The following LRATD1 variants were observed in gnomAD, a reference collection of about 807,000 sequenced individuals.
LRATD1 encodes LRAT domain containing 1.
In LRATD1, 8 loss-of-function variants were observed where a neutral mutation model predicts 21.3. The ratio of observed to expected loss-of-function variants is 0.38; its 90% confidence interval spans 0.22 to 0.68. LRATD1 has a LOEUF of 0.68. LRATD1 is among the 30% of genes least tolerant of loss of function. The probability of loss-of-function intolerance (pLI) is 0.54; values close to 1 mark genes in which losing one functional copy is unlikely to be tolerated. For missense variants in LRATD1, 380 were observed against 404.0 expected, an observed-to-expected ratio of 0.94 and a Z score of 0.51; for synonymous variants, 210 against 186.2, an observed-to-expected ratio of 1.13 and a Z score of -1.04.
intron 3 of LRATD1, chr2:14,646,363 C>T (rs1193402306): frequency 6.6e-6 from 1 of 152,130 alleles, no homozygotes; most frequent in African/African-American, 2.4e-5. Flanking sequence ...GGAATCAAGC[C>T]TCAATTTTCA....
chr2:14,634,111 G>A lies in LRATD1; in HGVS notation c.132G>A (p.Leu44=). 6.2e-7 allele frequency: 1 copy of A among 1,614,140 alleles called. No individual in the cohort carries two copies. The highest frequency in any genetic ancestry group is 8.5e-7 in the Non-Finnish European group (1 of 1,180,026). The change falls in exon 2 of 2, where the codon CTG becomes CTA. Residue 44 remains leucine (L), a synonymous_variant. Coordinates refer to ENST00000295092, the MANE Select transcript of LRATD1 (RefSeq NM_145175.4). ...AYFFSDDEED[L]DERGQPDKFG... ...TCTTCTCGGATGATGAGGAAGACCT[G>A]GACGAACGCGGGCAGCCCGACAAGT...
downstream of LRATD1, among the ~76,000 whole-genome samples, chr2:14,640,907 C>A (rs906930411): frequency 3.3e-5 from 5 of 152,132 alleles, no homozygotes; most frequent in African/African-American, 1.2e-4. Context: ...AGGCAAGGCT[C>A]AGAGGTAGGA....
rs1272746430 is a variant in LRATD1 at position 14,634,800 on chromosome 2, C to T, written c.821C>T (p.Ala274Val). 6.2e-7 allele frequency: 1 copy of T among 1,606,598 alleles called. No homozygotes were observed. Among genetic ancestry groups the T allele is most frequent in the Non-Finnish European group, 8.5e-7 (1 of 1,175,748 alleles). Reference protein sequence around the residue: ...DLIREKRRIDASGRLRVLQEL... With the variant: ...DLIREKRRIDVSGRLRVLQEL... The stretch of plus-strand genomic sequence containing the variant: ...ATCCGCGAGAAGCGCCGTATCGACG[C>T]CAGCGGCCGCCTGCGAGTGCTCCAG... The change falls in exon 2 of 2, where the codon GCC (alanine) becomes GTC (valine). Residue 274 changes from alanine to valine, a missense_variant. Physicochemically the swap from Ala to Val is moderately conservative, Grantham distance 64. Coordinates refer to ENST00000295092, the MANE Select transcript of LRATD1 (RefSeq NM_145175.4).
At position 14,635,738 on chromosome 2, in the gene LRATD1, C is replaced by T; in HGVS notation, c.*880C>T. 2.5e-6 allele frequency: 1 copy of T among 397,842 alleles called. No individual in the cohort carries two copies. The highest frequency in any genetic ancestry group is 5.2e-6 in the Non-Finnish European group (1 of 192,174). The allele number at this position is 397,842 out of a possible 1,614,324, so 24.6% of individuals were successfully genotyped here. The stretch of plus-strand genomic sequence containing the variant: ...TGTGAAGGGCGCTTATTGTTCTGAA[C>T]CCTTGATTGCTCCCTCCTCGGGCTG... On this transcript the variant is annotated 3_prime_UTR_variant, in exon 2 of 2. Transcript: ENST00000295092.
Position 14,639,061 on chromosome 2 carries a change from C to G in LRATD1, c.*4203C>G, listed in dbSNP as rs1671754298. Reference sequence around the variant, plus strand: ...ATACACATGTATATATACTTGTGTACACATACATTTTTGCCTATAGCTAGC... The same window carrying G: ...ATACACATGTATATATACTTGTGTAGACATACATTTTTGCCTATAGCTAGC... On this transcript the variant is annotated 3_prime_UTR_variant, in exon 2 of 2. Transcript: ENST00000295092. The G allele has an allele frequency of 6.0e-6, 1 of 166,200 alleles. No homozygotes were observed. Among genetic ancestry groups the G allele is most frequent in the African/African-American group, 2.4e-5 (1 of 41,122 alleles). The allele number at this position is 166,200 out of a possible 1,614,324, so 10.3% of individuals were successfully genotyped here.
At position 14,636,620 on chromosome 2, in the gene LRATD1, C is replaced by G. The variant is rs1489620983; in HGVS notation, c.*1762C>G. 1 of 167,156 alleles carries G rather than the reference C, an allele frequency of 6.0e-6. No individual in the cohort carries two copies. The highest frequency in any genetic ancestry group is 1.5e-5 in the Non-Finnish European group (1 of 68,138). 10.4% of individuals were successfully genotyped at this position (167,156 alleles called of 1,614,324 possible). A position where few individuals can be genotyped will look rare whatever the true frequency, so the allele number is the denominator to read the frequency against. ...ACTGATAGTTACTTGATTCAGTGTG[C>G]TAGACACTTAAATAGCATCTATGTC... On this transcript the variant is annotated 3_prime_UTR_variant, in exon 2 of 2. Coordinates refer to ENST00000295092, the MANE Select transcript of LRATD1 (RefSeq NM_145175.4).
chr2:14,640,953 A>G (rs1183684196), downstream of LRATD1, among the ~76,000 whole-genome samples: 1 of 152,230 alleles, frequency 6.6e-6, no homozygotes, highest in Non-Finnish European at 1.5e-5. Flanking sequence ...CAGGATGCTC[A>G]GTTACATTTG....
In LRATD1 at chr2:14,633,707, G is replaced by T; in HGVS notation, c.-36-237G>T. 2.2e-6 allele frequency: 1 copy of T among 451,996 alleles called. No individual in the cohort carries two copies. Among genetic ancestry groups the T allele is most frequent in the Non-Finnish European group, 4.0e-6 (1 of 252,306 alleles). 28.0% of individuals were successfully genotyped at this position (451,996 alleles called of 1,614,324 possible). A position where few individuals can be genotyped will look rare whatever the true frequency, so the allele number is the denominator to read the frequency against. The stretch of plus-strand genomic sequence containing the variant: ...GGTGTTTTCTTCTGGGAGTTGGACC[G>T]AGTTCCCGGAAGGGGTCGGAGGCTG... On this transcript the variant is annotated intron_variant, in intron 1 of 1. Coordinates refer to ENST00000295092, the MANE Select transcript of LRATD1 (RefSeq NM_145175.4). This position sits in a 1 kb window ranked among gnomAD's most constrained non-coding sequence, Gnocchi z 7.5.
At chr2:14,642,655 G>A (rs922067810), downstream of LRATD1, among the ~76,000 whole-genome samples, 1 of 151,796 alleles carries the variant, frequency 6.6e-6, no homozygotes, top group Non-Finnish European at 1.5e-5. Flanking sequence ...ATGGGGTCGG[G>A]GGGTGGGGGC....
At chr2:14,642,332 TG>T (rs1168276482), downstream of LRATD1, among the ~76,000 whole-genome samples, 3 of 152,200 alleles carry the variant, frequency 2.0e-5, no homozygotes, top group African/African-American at 7.2e-5. Flanking sequence ...CATTTCTTCT[TG>T]AATGAACTTT....
At chr2:14,646,708 C>A (rs953114245) in intron 4 of LRATD1, among the ~76,000 whole-genome samples, 2 of 152,108 alleles carry the variant, frequency 1.3e-5, no homozygotes, top group African/African-American at 2.4e-5. Context: ...CCAGGCCTAA[C>A]AGCAGGGTAA....
chr2:14,633,732 GTGTGGTGGCGTCTGCTCTCGCCTGACC>G lies in LRATD1; in HGVS notation c.-36-206_-36-180del. 1.9e-6 allele frequency: 1 copy of G among 533,306 alleles called. No individual in the cohort carries two copies. Among genetic ancestry groups the G allele is most frequent in the East Asian group, 3.0e-5 (1 of 33,838 alleles). 33.0% of individuals were successfully genotyped at this position (533,306 alleles called of 1,614,324 possible). ...GAGTTCCCGGAAGGGGTCGGAGGCTGTGTGGTGGCGTCTGCTCTCGCCTGACCTGTGGCGGCTTCTCCGCCCCTCGTA... is the reference window on the plus strand; with the variant it reads ...GAGTTCCCGGAAGGGGTCGGAGGCTGTGTGGCGGCTTCTCCGCCCCTCGTA... On this transcript the variant is annotated intron_variant, in intron 1 of 1. Transcript: ENST00000295092. This position sits in a 1 kb window ranked among gnomAD's most constrained non-coding sequence, Gnocchi z 7.5.
chr2:14,640,943 C>A (rs1163120102), downstream of LRATD1, among the ~76,000 whole-genome samples: 1 of 152,164 alleles, frequency 6.6e-6, no homozygotes, highest in Non-Finnish European at 1.5e-5. Flanking sequence ...AATAAAAATA[C>A]AGGATGCTCA....
Position 14,634,157 on chromosome 2 carries a change from G to C in LRATD1, c.178G>C (p.Gly60Arg). ...CAAGTTTGGCGTGAAGGCCCCCCCG[G>C]GTTGCACCCCCTGCCCGGAGAGCCC... ...PDKFGVKAPP[G>R]CTPCPESPSR... is the part of the protein sequence containing the mutation. Residue 60 changes from glycine (G) to arginine (R), a missense_variant, in exon 2 of 2, where the codon GGT becomes CGT. Gly to Arg is a moderately radical substitution (Grantham distance 125). Coordinates refer to ENST00000295092, the MANE Select transcript of LRATD1 (RefSeq NM_145175.4). 6.2e-7 allele frequency: 1 copy of C among 1,613,918 alleles called. No individual in the cohort carries two copies.
downstream of LRATD1, among the ~76,000 whole-genome samples, chr2:14,643,522 G>T (rs1472206506): frequency 6.6e-6 from 1 of 152,102 alleles, no homozygotes; most frequent in Admixed American, 6.5e-5. Flanking sequence ...ATCTGTACTG[G>T]ACCACCTACC....
chr2:14,634,340 G>T lies in LRATD1; in HGVS notation c.361G>T (p.Glu121Ter). The change falls in exon 2 of 2, where the codon GAA (glutamate) becomes TAA (stop). Residue 121 changes from glutamate to a stop codon, truncating the protein, a stop_gained. Coordinates refer to ENST00000295092, the MANE Select transcript of LRATD1 (RefSeq NM_145175.4). LOFTEE classifies it high-confidence loss of function. ...YAVTALPALC[E>*]PGDLLELLWL... The stretch of plus-strand genomic sequence containing the variant: ...GGTCACCGCGCTGCCAGCGCTCTGC[G>T]AACCCGGCGACCTGCTGGAGCTGCT... The T allele has an allele frequency of 1.3e-6, 2 of 1,586,156 alleles. No homozygotes were observed. Among genetic ancestry groups the T allele is most frequent in the Non-Finnish European group, 1.7e-6 (2 of 1,169,678 alleles).
At chr2:14,644,812 A>G (rs1671868036), downstream of LRATD1, among the ~76,000 whole-genome samples, 1 of 152,116 alleles carries the variant, frequency 6.6e-6, no homozygotes, top group Non-Finnish European at 1.5e-5. Context: ...CTGAGGAGCT[A>G]GGGGAGCTAT....
chr2:14,645,142 G>A (rs1428732680), intron 2 of LRATD1, among the ~76,000 whole-genome samples: 1 of 152,142 alleles, frequency 6.6e-6, no homozygotes, highest in Admixed American at 6.5e-5. Flanking sequence ...TGAGCCTCTT[G>A]TCCAAAGAAA....
intron 4 of LRATD1, among the ~76,000 whole-genome samples, chr2:14,648,345 A>T (rs1441748993): frequency 1.3e-5 from 2 of 152,134 alleles, no homozygotes; most frequent in Admixed American, 6.5e-5. Flanking sequence ...ATTTGTCAAC[A>T]TTTGCCACGA....
Sources: allele counts gnomAD v4.1 joint callset (sites outside exome capture counted in the v4.1 genomes callset), GRCh38; gene constraint gnomAD v4.1.1; non-coding constraint Gnocchi (gnomAD v3.1); transcripts MANE v1.5; gene names NCBI Gene and HGNC (gene_info 2026-07-23, HGNC 2026-07-21).